Variants in PLD5 observed in about 807,000 individuals in gnomAD.
PLD5 encodes the protein inactive phospholipase D5.
A neutral mutation model predicts 61.1 loss-of-function variants in PLD5; 36 were observed. The observed-to-expected ratio is 0.59, with a 90% CI of 0.45 to 0.78. PLD5 has a LOEUF of 0.78. Among genes scored for constraint, PLD5 ranks in the 30% least tolerant of loss-of-function variants. The pLI is 0.00. For missense variants in PLD5, 515 were observed against 644.4 expected, an observed-to-expected ratio of 0.80 and a Z score of 2.17; for synonymous variants, 243 against 242.8, an observed-to-expected ratio of 1.00 and a Z score of -0.01.
rs1463810786 is a variant in PLD5 at position 242,523,730 on chromosome 1, C to G, written c.189+358G>C. Among the ~76,000 whole-genome samples the G allele has an allele frequency of 2.0e-5, 3 of 152,224 alleles. 1 individual carries two copies. The highest frequency in any genetic ancestry group is 2.0e-4 in the Admixed American group (3 of 15,284). On this transcript the variant is annotated intron_variant, in intron 1 of 9. Transcript: ENST00000536534. Reference sequence around the variant, plus strand: ...CGGGCAAACGCCGCTCTAAAGCCCACTACCATGCAACGCCAGGTTGCTCGG... The same window carrying G: ...CGGGCAAACGCCGCTCTAAAGCCCAGTACCATGCAACGCCAGGTTGCTCGG...
intron 1 of PLD5, among the ~76,000 whole-genome samples, chr1:242,420,904 C>T (rs544494688): frequency 1.9e-4 from 29 of 152,200 alleles, no homozygotes; most frequent in Non-Finnish European, 3.1e-4. Flanking sequence ...GTTGGCCGGG[C>T]GCAGTGGTTC....
At chr1:242,234,635 G>T (rs1246893321) in intron 4 of PLD5, among the ~76,000 whole-genome samples, 2 of 151,992 alleles carry the variant, frequency 1.3e-5, no homozygotes, top group African/African-American at 4.8e-5. Context: ...GATGCCACCT[G>T]CTGGGAATTT....
At chr1:242,361,596 T>C (rs1414204549) in intron 1 of PLD5, among the ~76,000 whole-genome samples, 5 of 152,206 alleles carry the variant, frequency 3.3e-5, no homozygotes, top group Admixed American at 1.3e-4. Context: ...TGCTATTACA[T>C]AGCATCAGCA....
rs142349668 is a variant in PLD5, at chr1:242,094,054, C to T, written c.1355-3944G>A. Among the ~76,000 whole-genome samples the T allele has an allele frequency of 2.4e-4, 37 of 152,104 alleles. No individual in the cohort carries two copies. In the East Asian group the frequency reaches 5.8e-3, roughly 24 times the overall value. ...GCTCTTCTACCTTTCACTTCCTGAC[C>T]GTCTGGCTTGACTTCAAAATCACAT... On this transcript the variant is annotated intron_variant, in intron 9 of 9. Coordinates refer to ENST00000536534, the MANE Select transcript of PLD5 (RefSeq NM_001372062.1).
chr1:242,395,250 A>T (rs1200392312), intron 1 of PLD5, among the ~76,000 whole-genome samples: 1 of 151,998 alleles, frequency 6.6e-6, no homozygotes, highest in East Asian at 1.9e-4. Context: ...AGTAGCTTTC[A>T]TGATGTGCAA....
chr1:242,163,418 C>T (rs1666038537), intron 5 of PLD5, among the ~76,000 whole-genome samples: 1 of 151,998 alleles, frequency 6.6e-6, no homozygotes, highest in Non-Finnish European at 1.5e-5. Flanking sequence ...GCTGGGATTA[C>T]AGGCGTGAGC....
At chr1:242,141,148 A>G (rs1664134258) in intron 5 of PLD5, among the ~76,000 whole-genome samples, 1 of 152,112 alleles carries the variant, frequency 6.6e-6, no homozygotes, top group Non-Finnish European at 1.5e-5. Context: ...TCTCACAGAG[A>G]TGACTTGTCT....
intron 1 of PLD5, among the ~76,000 whole-genome samples, chr1:242,371,457 G>T (rs535538023): frequency 7.9e-5 from 12 of 152,018 alleles, no homozygotes; most frequent in Non-Finnish European, 1.2e-4. Flanking sequence ...GAACAGAAGC[G>T]TACTGAATCA....
At chr1:242,449,621 A>G (rs1476035156) in intron 1 of PLD5, 3 of 984,280 alleles carry the variant, frequency 3.0e-6, no homozygotes, top group Middle Eastern at 3.5e-4. Flanking sequence ...TAGGCCCCTC[A>G]TTTAGCATTT....
chr1:242,123,869 G>T (rs926260145), intron 6 of PLD5, among the ~76,000 whole-genome samples: 1 of 152,166 alleles, frequency 6.6e-6, no homozygotes, highest in Non-Finnish European at 1.5e-5. Flanking sequence ...GAAGGTGAGG[G>T]TGGGTGGAGG....
At chr1:242,380,387 G>A (rs750731196) in intron 1 of PLD5, among the ~76,000 whole-genome samples, 6 of 152,090 alleles carry the variant, frequency 3.9e-5, no homozygotes, top group Non-Finnish European at 8.8e-5. Flanking sequence ...TACTATCACT[G>A]CTGCAACCCT....
chr1:242,247,580 C>T lies in PLD5; in HGVS notation c.607+17757G>A, dbSNP rs1672463150. The stretch of plus-strand genomic sequence containing the variant: ...GTCAGTCTTATGATCTCTATTTTAA[C>T]CTTAATGCTGGTCACTTGTGCCTAA... On this transcript the variant is annotated intron_variant, in intron 4 of 9. Coordinates refer to ENST00000536534, the MANE Select transcript of PLD5 (RefSeq NM_001372062.1). 5.3e-5 allele frequency among the ~76,000 whole-genome samples: 8 copies of T among 152,286 alleles called. No individual in the cohort carries two copies. In the South Asian group the frequency reaches 1.7e-3, roughly 32 times the overall value.
In PLD5 at chr1:242,199,411, C is replaced by G. The variant is rs190560964; in HGVS notation, c.735+20577G>C. 1.2e-4 allele frequency among the ~76,000 whole-genome samples: 18 copies of G among 152,134 alleles called. 1 individual carries two copies. The highest frequency in any genetic ancestry group is 1.0e-3 in the South Asian group (5 of 4,810). Reference sequence around the variant, plus strand: ...CTGGGATTACAGGCGCCCGCCACCACGCCCAGCTAATTTTTGTATTTTTAG... The same window carrying G: ...CTGGGATTACAGGCGCCCGCCACCAGGCCCAGCTAATTTTTGTATTTTTAG... On this transcript the variant is annotated intron_variant, in intron 5 of 9. Transcript: ENST00000536534.
At chr1:242,507,612 C>G (rs903334147) in intron 1 of PLD5, among the ~76,000 whole-genome samples, 4 of 152,192 alleles carry the variant, frequency 2.6e-5, no homozygotes, top group Non-Finnish European at 5.9e-5. Flanking sequence ...CCTACTCAAA[C>G]TGGACAGCTA....
At chr1:242,191,358 G>C (rs930797450) in intron 5 of PLD5, among the ~76,000 whole-genome samples, 5 of 152,192 alleles carry the variant, frequency 3.3e-5, no homozygotes, top group African/African-American at 9.7e-5. Flanking sequence ...GGCCATGGCA[G>C]GTGGATCACT....
chr1:242,524,017 A>C (rs952979974), intron 1 of PLD5, 71 bp downstream of exon 1: 3 of 1,446,504 alleles, frequency 2.1e-6, no homozygotes, highest in African/African-American at 2.9e-5. Flanking sequence ...GCGCGCGCTC[A>C]TGCCACCACC....
chr1:242,124,418 A>C (rs1662623837), intron 6 of PLD5, 50 bp downstream of exon 6: 1 of 1,540,854 alleles, frequency 6.5e-7, no homozygotes, highest in African/African-American at 1.4e-5. Flanking sequence ...CTTAATAAAG[A>C]GCCTTTGGAG....
chr1:242,322,767 T>C (rs1898897), intron 2 of PLD5, among the ~76,000 whole-genome samples: 149,015 of 152,322 alleles, frequency 0.98, 72,964 homozygotes, highest in Non-Finnish European at 1. Flanking sequence ...CTTTGCCTTT[T>C]GCCACAAGTG....
At chr1:242,439,469 T>C (rs1558568024) in intron 1 of PLD5, among the ~76,000 whole-genome samples, 2 of 152,172 alleles carry the variant, frequency 1.3e-5, no homozygotes, top group African/African-American at 4.8e-5. Context: ...TGGCCTGATC[T>C]CAGGCACTAG....
Sources: gnomAD v4.1 joint callset for allele counts (sites outside exome capture counted in the v4.1 genomes callset) on GRCh38, gnomAD v4.1.1 for gene constraint, MANE v1.5 for transcripts, NCBI Gene and HGNC (gene_info 2026-07-23, HGNC 2026-07-21) for gene names.